SH3RF3: variants seen among roughly 807,000 people sequenced by gnomAD.
SH3RF3 encodes the protein E3 ubiquitin-protein ligase SH3RF3.
SH3RF3 carries 29 observed loss-of-function variants against 66.3 expected under a neutral mutation model. That is an observed-to-expected ratio of 0.44 (90% CI 0.33 to 0.60). The LOEUF is 0.60. SH3RF3 is among the 20% of genes least tolerant of loss of function. SH3RF3 has a pLI of 0.04. For missense variants in SH3RF3, 1,194 were observed against 1,190.9 expected, an observed-to-expected ratio of 1.00 and a Z score of -0.04; for synonymous variants, 583 against 532.0, an observed-to-expected ratio of 1.10 and a Z score of -1.32.
At chr2:109,202,012 G>A (rs532794864) in intron 1 of SH3RF3, among the ~76,000 whole-genome samples, 1 of 152,358 alleles carries the variant, frequency 6.6e-6, no homozygotes, top group African/African-American at 2.4e-5. Flanking sequence ...CACAGGCACA[G>A]AACCTAGGCC....
intron 1 of SH3RF3, among the ~76,000 whole-genome samples, chr2:109,230,941 T>A (rs1468197736): frequency 6.6e-6 from 1 of 152,184 alleles, no homozygotes; most frequent in Non-Finnish European, 1.5e-5. Context: ...GAAGGCAGGA[T>A]AGGTCAAACT....
chr2:109,455,673 T>C (rs2104661731), intron 8 of SH3RF3, among the ~76,000 whole-genome samples: 1 of 152,326 alleles, frequency 6.6e-6, no homozygotes, highest in Admixed American at 6.5e-5. Context: ...ATCGCTGGCT[T>C]ATAAATGTAT....
intron 1 of SH3RF3, among the ~76,000 whole-genome samples, chr2:109,261,992 A>G (rs971284371): frequency 2.0e-5 from 3 of 152,174 alleles, no homozygotes; most frequent in African/African-American, 4.8e-5. Flanking sequence ...ACAAAGCTCT[A>G]TAAAACCAGG....
chr2:109,449,312 G>A lies in SH3RF3; in HGVS notation c.1971G>A (p.Pro657=), dbSNP rs760905835. 21 of 1,606,534 alleles carry A rather than the reference G, an allele frequency of 1.3e-5. No individual in the cohort carries two copies. The highest frequency in any genetic ancestry group is 4.5e-5 in the South Asian group (4 of 89,832). ...CCCCGCAGCACAGCCACCAGCCCCC[G>A]GTGCAGATGTGCCCACGGCCGGCCA... ...VVSPQHSHQP[P]VQMCPRPAIP... is the part of the protein sequence containing the mutation. Residue 657 remains proline (P), a synonymous_variant, in exon 8 of 10, where the codon CCG becomes CCA. Transcript: ENST00000309415.
At chr2:109,215,359 A>AAGGG (rs1679082523) in intron 1 of SH3RF3, among the ~76,000 whole-genome samples, 2 of 152,252 alleles carry the variant, frequency 1.3e-5, no homozygotes, top group East Asian at 3.9e-4. Context: ...AACACCAGAG[A>AAGGG]AGGGAGGGTG....
chr2:109,129,418 C>T lies in SH3RF3; in HGVS notation c.-123C>T. 2.1e-6 allele frequency: 3 copies of T among 1,458,748 alleles called. No individual in the cohort carries two copies. The highest frequency in any genetic ancestry group is 2.7e-6 in the Non-Finnish European group (3 of 1,093,768). 90.4% of individuals were successfully genotyped at this position (1,458,748 alleles called of 1,614,324 possible). On this transcript the variant is annotated 5_prime_UTR_variant, in exon 1 of 10. Transcript: ENST00000309415. The stretch of plus-strand genomic sequence containing the variant: ...CACAGCCCTAGCATCGGGCCACCAG[C>T]CGGGGTGAAGAAAGTCACGGCGGAG...
chr2:109,265,386 A>G (rs568930448), intron 1 of SH3RF3, among the ~76,000 whole-genome samples: 2 of 152,354 alleles, frequency 1.3e-5, no homozygotes, highest in African/African-American at 4.8e-5. Flanking sequence ...TTCTCCTCAC[A>G]GTTTATCAGA....
At chr2:109,181,948 A>AT (rs1678083997) in intron 1 of SH3RF3, among the ~76,000 whole-genome samples, 1 of 152,144 alleles carries the variant, frequency 6.6e-6, no homozygotes, top group Admixed American at 6.6e-5. Context: ...AGGGCCTTGA[A>AT]TGAGCAACCA....
intron 1 of SH3RF3, among the ~76,000 whole-genome samples, 200 bp downstream of exon 1, chr2:109,130,313 G>C (rs1039984107): frequency 6.6e-6 from 1 of 152,238 alleles, no homozygotes; most frequent in Non-Finnish European, 1.5e-5. Context: ...GTTCACGTGT[G>C]TCCCATCCTC....
Position 109,449,427 on chromosome 2 carries a change from G to T in SH3RF3, c.2086G>T (p.Val696Phe). 5 of 1,613,994 alleles carry T rather than the reference G, an allele frequency of 3.1e-6. No homozygotes were observed. The highest frequency in any genetic ancestry group is 4.2e-6 in the Non-Finnish European group (5 of 1,179,874). ...NGEAGGGPIG[V>F]LSTSSPTNTG... ...GGAGGCTGGAGGGGGGCCCATCGGT[G>T]TTCTGTCCACATCCAGCCCCACCAA... is the stretch of plus-strand genomic sequence containing the variant. Residue 696 changes from valine to phenylalanine, a missense_variant, in exon 8 of 10, where the codon GTT becomes TTT. Physicochemically the swap from Val to Phe is conservative, Grantham distance 50. Coordinates refer to ENST00000309415, the MANE Select transcript of SH3RF3 (RefSeq NM_001099289.3).
At chr2:109,167,926 T>G (rs1321923198) in intron 1 of SH3RF3, among the ~76,000 whole-genome samples, 2 of 152,160 alleles carry the variant, frequency 1.3e-5, no homozygotes, top group Non-Finnish European at 2.9e-5. Context: ...GGAGCTATAG[T>G]TGTGTTTATT....
chr2:109,465,292 G>A (rs943298592), intron 8 of SH3RF3, among the ~76,000 whole-genome samples: 2 of 152,162 alleles, frequency 1.3e-5, no homozygotes, highest in African/African-American at 4.8e-5. Context: ...ATCTTGTGTG[G>A]GTTTTTATAT....
intron 8 of SH3RF3, among the ~76,000 whole-genome samples, chr2:109,456,407 T>A (rs1054479861): frequency 6.6e-6 from 1 of 152,194 alleles, no homozygotes; most frequent in Non-Finnish European, 1.5e-5. Flanking sequence ...CATTTTGAAG[T>A]TTTCCAGACA....
chr2:109,132,194 T>C (rs1676714296), intron 1 of SH3RF3, among the ~76,000 whole-genome samples: 1 of 152,224 alleles, frequency 6.6e-6, no homozygotes, highest in Non-Finnish European at 1.5e-5. Flanking sequence ...AATATTACAG[T>C]CCCATCATTT....
At chr2:109,333,870 T>A (rs1682343096) in intron 1 of SH3RF3, among the ~76,000 whole-genome samples, 1 of 152,188 alleles carries the variant, frequency 6.6e-6, no homozygotes, top group South Asian at 2.1e-4. Flanking sequence ...ATTATGATGA[T>A]ATAATAATGA....
At chr2:109,198,813 G>A (rs1435543690) in intron 1 of SH3RF3, among the ~76,000 whole-genome samples, 1 of 152,304 alleles carries the variant, frequency 6.6e-6, no homozygotes, top group African/African-American at 2.4e-5. Context: ...CCTAGGCTAC[G>A]TGGCACAGCC....
intron 4 of SH3RF3, among the ~76,000 whole-genome samples, chr2:109,412,006 T>C (rs1676603560): frequency 6.6e-6 from 1 of 152,196 alleles, no homozygotes; most frequent in Non-Finnish European, 1.5e-5. Flanking sequence ...GAATGGGCCC[T>C]GTGGCAGCTC....
At chr2:109,457,762 G>A (rs761224972) in intron 8 of SH3RF3, among the ~76,000 whole-genome samples, 3 of 152,012 alleles carry the variant, frequency 2.0e-5, no homozygotes, top group East Asian at 1.9e-4. Context: ...TTTTCCAGCC[G>A]TCCATGCCCA....
At chr2:109,311,803 CA>C (rs1245911327) in intron 1 of SH3RF3, among the ~76,000 whole-genome samples, 1 of 152,202 alleles carries the variant, frequency 6.6e-6, no homozygotes, top group East Asian at 1.9e-4. Flanking sequence ...ATGGCAGAGA[CA>C]GCAAACTTTA....
Sources: allele counts gnomAD v4.1 joint callset (sites outside exome capture counted in the v4.1 genomes callset), GRCh38; gene constraint gnomAD v4.1.1; transcripts MANE v1.5; gene names NCBI Gene and HGNC (gene_info 2026-07-23, HGNC 2026-07-21).